Variants in MGLL observed in about 807,000 individuals in gnomAD.
MGLL encodes lysophospholipase homolog.
MGLL carries 7 observed loss-of-function variants against 29.1 expected under a neutral mutation model. That is an observed-to-expected ratio of 0.24 (90% CI 0.14 to 0.45). The LOEUF is 0.45. Among genes scored for constraint, MGLL ranks in the 20% least tolerant of loss-of-function variants. The pLI is 0.99. For missense variants in MGLL, 356 were observed against 413.6 expected (o/e 0.86, Z 1.21); for synonymous variants, 148 against 168.3 (o/e 0.88, Z 0.93).
chr3:127,730,901 T>C (rs542412172), intron 3 of MGLL, among the ~76,000 whole-genome samples: 3 of 152,342 alleles, frequency 2.0e-5, no homozygotes, highest in East Asian at 3.9e-4. Flanking sequence ...CATGTGCCCA[T>C]GTCTGCCAGG....
At position 127,690,193 on chromosome 3, in the gene MGLL, T is replaced by A. The variant is rs534534600; in HGVS notation, c.*2005A>T. The stretch of plus-strand genomic sequence containing the variant: ...TGGGCTTTTGGAAAGGGTTCCTGCT[T>A]TTCCTGAGTTCCCATGGCTGCCCTG... On this transcript the variant is annotated 3_prime_UTR_variant, in exon 8 of 8. Transcript: ENST00000265052. 1.3e-5 allele frequency: 2 copies of A among 152,276 alleles called. No homozygotes were observed. Among genetic ancestry groups the A allele is most frequent in the Admixed American group, 1.3e-4 (2 of 15,300 alleles). The allele number at this position is 152,276 out of a possible 1,614,324, so 9.4% of individuals were successfully genotyped here. A position where few individuals can be genotyped will look rare whatever the true frequency, so the allele number is the denominator to read the frequency against.
chr3:127,704,775 AC>A (rs1285391364), intron 6 of MGLL, among the ~76,000 whole-genome samples: 2 of 152,210 alleles, frequency 1.3e-5, no homozygotes, highest in Non-Finnish European at 2.9e-5. Context: ...AAATAGGAAC[AC>A]TTTTACATTG....
At chr3:127,810,686 C>T (rs1274638882) in intron 2 of MGLL, among the ~76,000 whole-genome samples, 3 of 152,210 alleles carry the variant, frequency 2.0e-5, no homozygotes, top group African/African-American at 4.8e-5. Context: ...CTGGCATACA[C>T]GAGGTGTTCA....
intron 2 of MGLL, among the ~76,000 whole-genome samples, chr3:127,811,973 G>C (rs1251991919): frequency 6.6e-6 from 1 of 152,240 alleles, no homozygotes; most frequent in Non-Finnish European, 1.5e-5. Flanking sequence ...CTGAGTAACA[G>C]CAATAGATTC....
chr3:127,780,410 A>T (rs933815868), intron 3 of MGLL, among the ~76,000 whole-genome samples: 12 of 152,230 alleles, frequency 7.9e-5, no homozygotes, highest in Non-Finnish European at 1.0e-4. Flanking sequence ...TTCCTATCTG[A>T]GGCTTTTACA....
intron 3 of MGLL, among the ~76,000 whole-genome samples, chr3:127,755,299 G>C (rs995485858): frequency 6.6e-6 from 1 of 152,214 alleles, no homozygotes; most frequent in Non-Finnish European, 1.5e-5. Flanking sequence ...AGGAGGAAGA[G>C]GGTGTTTAAA....
chr3:127,697,579 A>C (rs72971401), intron 6 of MGLL, among the ~76,000 whole-genome samples: 5,642 of 152,262 alleles, frequency 0.037, 341 homozygotes, highest in African/African-American at 0.13. Flanking sequence ...ACTGCTCAGA[A>C]TAGAGACTAC....
At chr3:127,814,096 C>G (rs1273579936) in intron 2 of MGLL, among the ~76,000 whole-genome samples, 1 of 151,964 alleles carries the variant, frequency 6.6e-6, no homozygotes, top group African/African-American at 2.4e-5. Flanking sequence ...GCTGTGACTC[C>G]CTGGAAGGTG....
In MGLL at chr3:127,722,316, A is replaced by G. The variant is rs2075942857; in HGVS notation, c.399+114T>C. 5 of 1,453,442 alleles carry G rather than the reference A, an allele frequency of 3.4e-6. No homozygotes were observed. In the African/African-American group the frequency reaches 5.6e-5, roughly 16 times the overall value. The allele number at this position is 1,453,442 out of a possible 1,614,324, so 90.0% of individuals were successfully genotyped here. A position where few individuals can be genotyped will look rare whatever the true frequency, so the allele number is the denominator to read the frequency against. On this transcript the variant is annotated intron_variant, in intron 4 of 7. Coordinates refer to ENST00000265052, the MANE Select transcript of MGLL (RefSeq NM_007283.7). Reference sequence around the variant, plus strand: ...CCAAGTGCAGTGCACAAAGGGAGACATCATGCCAGCCAGGCAGAGAGCAGT... The same window carrying G: ...CCAAGTGCAGTGCACAAAGGGAGACGTCATGCCAGCCAGGCAGAGAGCAGT...
intron 3 of MGLL, among the ~76,000 whole-genome samples, chr3:127,769,901 C>T (rs892380581): frequency 6.6e-6 from 1 of 152,178 alleles, no homozygotes; most frequent in Admixed American, 6.5e-5. Context: ...GTGCTCAGCT[C>T]AGTGACCGGC....
At chr3:127,745,350 G>A (rs147953453) in intron 3 of MGLL, among the ~76,000 whole-genome samples, 3 of 152,304 alleles carry the variant, frequency 2.0e-5, no homozygotes, top group East Asian at 1.9e-4. Context: ...ATTTATACAC[G>A]GAATGCTGCT....
At chr3:127,806,587 G>A (rs1391021052) in intron 2 of MGLL, among the ~76,000 whole-genome samples, 1 of 152,014 alleles carries the variant, frequency 6.6e-6, no homozygotes, top group East Asian at 1.9e-4. Context: ...GATGGTAGGT[G>A]GATGGATGAG....
chr3:127,736,721 G>T (rs549122796), intron 3 of MGLL, among the ~76,000 whole-genome samples: 4 of 152,242 alleles, frequency 2.6e-5, no homozygotes, highest in Admixed American at 2.0e-4. Context: ...TTGAGACAGG[G>T]TCTCACTCTG....
At chr3:127,767,391 TG>T (rs969724870) in intron 3 of MGLL, among the ~76,000 whole-genome samples, 12 of 152,186 alleles carry the variant, frequency 7.9e-5, no homozygotes, top group African/African-American at 2.9e-4. Context: ...ATTAACCAAT[TG>T]TTTATAATTG....
chr3:127,753,066 A>G (rs1252251501), intron 3 of MGLL, among the ~76,000 whole-genome samples: 3 of 152,248 alleles, frequency 2.0e-5, no homozygotes, highest in Non-Finnish European at 4.4e-5. Context: ...GTATGGACAG[A>G]AGGCTGTAAG....
chr3:127,758,641 G>A (rs564171150), intron 3 of MGLL, among the ~76,000 whole-genome samples: 2 of 152,298 alleles, frequency 1.3e-5, no homozygotes, highest in East Asian at 1.9e-4. Flanking sequence ...CTAACAATTC[G>A]GCTGTACCGA....
chr3:127,787,897 A>G (rs1416340834), intron 2 of MGLL, among the ~76,000 whole-genome samples: 1 of 152,208 alleles, frequency 6.6e-6, no homozygotes, highest in East Asian at 1.9e-4. Flanking sequence ...ATCCCTTTCC[A>G]GTAACTAAGG....
At chr3:127,700,303 A>G (rs537182101) in intron 6 of MGLL, among the ~76,000 whole-genome samples, 5 of 152,326 alleles carry the variant, frequency 3.3e-5, no homozygotes, top group African/African-American at 1.2e-4. Context: ...TTTGTGGTGG[A>G]AAGAGCTGGA....
chr3:127,794,995 G>A (rs1668740314), intron 2 of MGLL, among the ~76,000 whole-genome samples: 1 of 152,216 alleles, frequency 6.6e-6, no homozygotes, highest in African/African-American at 2.4e-5. Context: ...AAACAGAACT[G>A]CCACTCAACT....
Sources: allele counts gnomAD v4.1 joint callset (sites outside exome capture counted in the v4.1 genomes callset), GRCh38; gene constraint gnomAD v4.1.1; transcripts MANE v1.5; gene names NCBI Gene and HGNC (gene_info 2026-07-23, HGNC 2026-07-21).